LARS2: variants seen among roughly 807,000 people sequenced by gnomAD.
The protein encoded by LARS2 is leucyl-tRNA synthetase 2, mitochondrial.
Under a neutral mutation model 116.6 loss-of-function variants are expected in LARS2, and 81 were observed. That is an observed-to-expected ratio of 0.69 (90% CI 0.58 to 0.84). The LOEUF (loss-of-function observed/expected upper bound fraction) is 0.84, where lower values mean the gene tolerates loss of function less well. Among genes scored for constraint, LARS2 ranks in the 40% least tolerant of loss-of-function variants. The pLI is 0.00. For synonymous variants in LARS2, 396 were observed against 407.2 expected (o/e 0.97, Z 0.33); for missense variants, 968 against 1,114.5 (o/e 0.87, Z 1.87).
chr3:45,391,871 C>G (rs1165194837), intron 2 of LARS2, among the ~76,000 whole-genome samples: 1 of 152,166 alleles, frequency 6.6e-6, no homozygotes, highest in Non-Finnish European at 1.5e-5. Flanking sequence ...TGTAGACAGA[C>G]AGTGTAGGCA....
chr3:45,500,357 C>A, intron 14 of LARS2, 85 bp from the exon 15 acceptor site: 2 of 1,231,112 alleles, frequency 1.6e-6, no homozygotes, highest in Admixed American at 2.4e-5. Flanking sequence ...CATTTCAGGG[C>A]ATATGCATAT....
chr3:45,398,514 A>C (rs1310331701), intron 3 of LARS2, among the ~76,000 whole-genome samples: 1 of 152,254 alleles, frequency 6.6e-6, no homozygotes, highest in African/African-American at 2.4e-5. Flanking sequence ...AAGGCCAGGA[A>C]GAAAAAACAG....
At chr3:45,530,660 A>G (rs903489273) in intron 20 of LARS2, among the ~76,000 whole-genome samples, 2 of 152,260 alleles carry the variant, frequency 1.3e-5, no homozygotes, top group Admixed American at 6.5e-5. Context: ...TGGAAAAGAT[A>G]TGAATCTATT....
chr3:45,489,595 C>T (rs76174911), intron 12 of LARS2, among the ~76,000 whole-genome samples: 17,949 of 152,126 alleles, frequency 0.12, 1,201 homozygotes, highest in Middle Eastern at 0.19. Flanking sequence ...ATGTCTGGTC[C>T]CTGGACCAGC....
chr3:45,389,467 C>T (rs981870255), intron 1 of LARS2, among the ~76,000 whole-genome samples: 9 of 152,216 alleles, frequency 5.9e-5, no homozygotes, highest in African/African-American at 1.9e-4. Flanking sequence ...CTGCATGATG[C>T]ACAAGAAGGA....
intron 6 of LARS2, among the ~76,000 whole-genome samples, chr3:45,422,906 T>A (rs994051749): frequency 6.6e-6 from 1 of 152,082 alleles, no homozygotes; most frequent in Non-Finnish European, 1.5e-5. Flanking sequence ...CAATTTGGAG[T>A]CTTTGTGTTT....
chr3:45,441,018 A>G (rs1353806706), intron 6 of LARS2, among the ~76,000 whole-genome samples: 1 of 127,702 alleles, frequency 7.8e-6, no homozygotes, highest in Non-Finnish European at 1.6e-5. Context: ...CTGCCATCAC[A>G]CACTCTTTTT....
In LARS2 at chr3:45,517,996, A is replaced by G; in HGVS notation, c.2138A>G (p.Gln713Arg). Residue 713 changes from glutamine (Q) to arginine (R), a missense_variant, in exon 18 of 22, where the codon CAG becomes CGG. Physicochemically the swap from Gln to Arg is conservative, Grantham distance 43. Transcript: ENST00000645846. The stretch of plus-strand genomic sequence containing the variant: ...GCCAGGGCTTCTGGGAAGTCTCCCC[A>G]GCCTCAGCTGCTGAGTAACAAGGAG... Reference protein sequence around the residue: ...IEARASGKSPQPQLLSNKEKA... With the variant: ...IEARASGKSPRPQLLSNKEKA... 1 of 1,613,898 alleles carries G rather than the reference A, an allele frequency of 6.2e-7. No individual in the cohort carries two copies. Among genetic ancestry groups the G allele is most frequent in the Non-Finnish European group, 8.5e-7 (1 of 1,179,764 alleles).
chr3:45,489,914 A>G (rs932381054), intron 12 of LARS2, among the ~76,000 whole-genome samples: 2 of 152,188 alleles, frequency 1.3e-5, no homozygotes, highest in African/African-American at 4.8e-5. Context: ...ACACCTGGCC[A>G]TGGCTCTGAA....
chr3:45,445,853 C>T (rs891022719), intron 6 of LARS2, among the ~76,000 whole-genome samples: 27 of 152,316 alleles, frequency 1.8e-4, no homozygotes, highest in African/African-American at 6.3e-4. Context: ...TTGAAGCTGT[C>T]TCATTTATTC....
chr3:45,513,324 T>C lies in LARS2; in HGVS notation c.1861+89T>C. ...TACTGAGCAAGCAGGCATCTGCCTCTAGAGTGGGGAGGATGCAGGAGAGAG... is the reference window on the plus strand; with the variant it reads ...TACTGAGCAAGCAGGCATCTGCCTCCAGAGTGGGGAGGATGCAGGAGAGAG... On this transcript the variant is annotated intron_variant, in intron 16 of 21. Coordinates refer to ENST00000645846, the MANE Select transcript of LARS2 (RefSeq NM_015340.4). 4.6e-6 allele frequency: 4 copies of C among 877,254 alleles called. No homozygotes were observed. In the South Asian group the frequency reaches 5.4e-5, roughly 12 times the overall value. The allele number at this position is 877,254 out of a possible 1,614,324, so 54.3% of individuals were successfully genotyped here.
In LARS2 at chr3:45,523,541, T is replaced by C. The variant is rs1185729554; in HGVS notation, c.2293-456T>C. Among the ~76,000 whole-genome samples, 2 of 151,812 alleles carry C rather than the reference T, an allele frequency of 1.3e-5. 1 individual carries two copies. The highest frequency in any genetic ancestry group is 1.3e-4 in the Admixed American group (2 of 15,256). On this transcript the variant is annotated intron_variant, in intron 19 of 21. Coordinates refer to ENST00000645846, the MANE Select transcript of LARS2 (RefSeq NM_015340.4). ...TTGCTGCTGCTGGAGCTTTTTTTTT[T>C]TTTTAAAGATAGGGTCTCACTGTTG... is the stretch of plus-strand genomic sequence containing the variant.
chr3:45,508,906 TCTTTC>T (rs1365595589), intron 15 of LARS2, among the ~76,000 whole-genome samples: 1 of 151,532 alleles, frequency 6.6e-6, no homozygotes, highest in Admixed American at 6.6e-5. Flanking sequence ...CTCCCTTCCT[TCTTTC>T]CTTCTTCCAA....
At chr3:45,417,686 A>G in intron 5 of LARS2, 113 bp downstream of exon 5, 2 of 657,904 alleles carry the variant, frequency 3.0e-6, no homozygotes, top group South Asian at 3.6e-5. Context: ...CAGCGTACCA[A>G]GAGATAAATA....
chr3:45,502,867 A>T (rs971763074), intron 15 of LARS2, among the ~76,000 whole-genome samples: 4 of 151,934 alleles, frequency 2.6e-5, no homozygotes, highest in African/African-American at 9.7e-5. Flanking sequence ...TTTTCATGGT[A>T]TCTTTTAAGA....
At chr3:45,457,033 A>C (rs745955291) in intron 7 of LARS2, among the ~76,000 whole-genome samples, 1 of 152,254 alleles carries the variant, frequency 6.6e-6, no homozygotes, top group Non-Finnish European at 1.5e-5. Flanking sequence ...GAAACTCAGA[A>C]GGGACGGCAA....
At chr3:45,421,436 G>C (rs1377009542) in intron 6 of LARS2, 1 of 152,136 alleles carries the variant, frequency 6.6e-6, no homozygotes, top group African/African-American at 2.4e-5. Context: ...AAGGGATTTT[G>C]AACCTCTAAT....
chr3:45,430,920 T>C (rs1575249748), intron 6 of LARS2, among the ~76,000 whole-genome samples: 1 of 152,286 alleles, frequency 6.6e-6, no homozygotes, highest in East Asian at 1.9e-4. Context: ...ATGGACTGAA[T>C]GTATCCCTCT....
At chr3:45,436,027 C>T (rs529843026) in intron 6 of LARS2, among the ~76,000 whole-genome samples, 15 of 152,216 alleles carry the variant, frequency 9.9e-5, no homozygotes, top group African/African-American at 3.6e-4. Flanking sequence ...TATGATTTTT[C>T]CAAGTTTAGA....
Sources: gnomAD v4.1 joint callset for allele counts (sites outside exome capture counted in the v4.1 genomes callset) on GRCh38, gnomAD v4.1.1 for gene constraint, MANE v1.5 for transcripts, NCBI Gene and HGNC (gene_info 2026-07-23, HGNC 2026-07-21) for gene names.